Variants in CAPS2 observed in about 807,000 individuals in gnomAD.
The protein encoded by CAPS2 is calcyphosine 2, also known as calcyphosin-2.
Under a neutral mutation model 86.5 loss-of-function variants are expected in CAPS2, and 98 were observed. That is an observed-to-expected ratio of 1.13 (90% CI 0.96 to 1.34). The LOEUF is 1.34. Ranked by LOEUF, CAPS2 falls within the 40% of genes most tolerant of loss-of-function variation. CAPS2 has a pLI of 0.00. For missense variants in CAPS2, 729 were observed against 686.8 expected (o/e 1.06, Z -0.69); for synonymous variants, 210 against 225.1 (o/e 0.93, Z 0.60).
chr12:75,305,883 G>T, intron 7 of CAPS2: 4 of 794,420 alleles, frequency 5.0e-6, no homozygotes, highest in Non-Finnish European at 8.9e-6. Context: ...GGCTGACCAG[G>T]CTGCACCTGA....
At chr12:75,312,454 T>G (rs1437878599) in intron 7 of CAPS2, among the ~76,000 whole-genome samples, 2 of 152,148 alleles carry the variant, frequency 1.3e-5, no homozygotes, top group African/African-American at 4.8e-5. Context: ...GAATATAAAG[T>G]GAAAGTGGCA....
chr12:75,361,527 GAAGCAACAGCCC>G (rs2043591241), intron 1 of CAPS2, among the ~76,000 whole-genome samples: 1 of 152,146 alleles, frequency 6.6e-6, no homozygotes, highest in Admixed American at 6.5e-5. Context: ...TGCACCCTCT[GAAGCAACAGCCC>G]AAGCTGTACC....
chr12:75,311,161 G>T (rs964790887), intron 7 of CAPS2, among the ~76,000 whole-genome samples: 2 of 152,106 alleles, frequency 1.3e-5, no homozygotes, highest in Non-Finnish European at 2.9e-5. Flanking sequence ...TTAACTACGG[G>T]GTGCCGGGTT....
At chr12:75,289,167 A>G (rs145615398) in intron 14 of CAPS2, among the ~76,000 whole-genome samples, 2 of 151,820 alleles carry the variant, frequency 1.3e-5, no homozygotes, top group African/African-American at 4.8e-5. Context: ...TCTGATTCAC[A>G]CTCCTTTTTC....
rs117402153 is a variant in CAPS2 at position 75,310,834 on chromosome 12, A to G, written c.659+2014T>C. On this transcript the variant is annotated intron_variant, in intron 7 of 16. Transcript: ENST00000393284. ...ACCTTTTTCTTGAGACTACCAGGCT[A>G]GCCAAGCAGTGTTCTTCTCTCAAAG... is the stretch of plus-strand genomic sequence containing the variant. Among the ~76,000 whole-genome samples the G allele has an allele frequency of 5.3e-5, 8 of 152,258 alleles. No homozygotes were observed. The East Asian group carries it at 1.3e-3, about 26-fold the overall frequency.
At chr12:75,305,449 T>C (rs561536189) in intron 7 of CAPS2, 7 of 525,656 alleles carry the variant, frequency 1.3e-5, no homozygotes, top group East Asian at 3.9e-5. Context: ...CACAGACCGG[T>C]TGGAACAAAG....
At chr12:75,371,279 G>C (rs1189202423) in intron 1 of CAPS2, 1 of 156,044 alleles carries the variant, frequency 6.4e-6, no homozygotes, top group Non-Finnish European at 1.4e-5. Flanking sequence ...TGATGTTTGA[G>C]GGCAGGAAGC....
intron 1 of CAPS2, among the ~76,000 whole-genome samples, chr12:75,386,284 T>C (rs1043071118): frequency 2.0e-5 from 3 of 152,216 alleles, no homozygotes; most frequent in Non-Finnish European, 4.4e-5. Flanking sequence ...TCTCAGTCTG[T>C]TTTGTGCTGC....
chr12:75,334,972 C>A, upstream of CAPS2: 1 of 1,428,916 alleles, frequency 7.0e-7, no homozygotes, highest in Non-Finnish European at 9.6e-7. Flanking sequence ...ATAAATTTCA[C>A]GGACTTAACT....
At chr12:75,305,666 A>G in intron 7 of CAPS2, 1 of 646,386 alleles carries the variant, frequency 1.5e-6, no homozygotes, top group Non-Finnish European at 2.9e-6. Flanking sequence ...CCAGGCCCCT[A>G]GCACTGCCCA....
intron 1 of CAPS2, among the ~76,000 whole-genome samples, chr12:75,381,614 G>GTTT (rs34705874): frequency 5.3e-4 from 47 of 87,910 alleles, no homozygotes; most frequent in African/African-American, 9.4e-4. Context: ...TTTCTTAAGT[G>GTTT]TTTTTTTTTT....
intron 1 of CAPS2, among the ~76,000 whole-genome samples, chr12:75,381,529 CTTT>C (rs201207445): frequency 1.9e-4 from 22 of 118,360 alleles, no homozygotes; most frequent in African/African-American, 5.9e-4. Context: ...GTTATTTAGA[CTTT>C]TTTTTTTTTT....
At chr12:75,361,462 C>G (rs2043587111) in intron 1 of CAPS2, among the ~76,000 whole-genome samples, 1 of 152,208 alleles carries the variant, frequency 6.6e-6, no homozygotes. Context: ...GCCTAGGCAT[C>G]TGGCTGCCTC....
At chr12:75,293,709 A>T (rs553458433) in intron 11 of CAPS2, among the ~76,000 whole-genome samples, 2 of 152,314 alleles carry the variant, frequency 1.3e-5, no homozygotes, top group Admixed American at 1.3e-4. Context: ...AGAATGACAT[A>T]CCACAAACTG....
upstream of CAPS2, chr12:75,329,719 C>A: frequency 1.3e-6 from 1 of 798,804 alleles, no homozygotes; most frequent in Non-Finnish European, 1.9e-6. Context: ...GACTACAGAC[C>A]CAGATATCTG....
upstream of CAPS2, among the ~76,000 whole-genome samples, chr12:75,327,542 ATTTAT>A (rs1368383113): frequency 6.6e-5 from 10 of 152,114 alleles, no homozygotes; most frequent in East Asian, 1.7e-3. Flanking sequence ...ATAGTCTTAG[ATTTAT>A]TTTAATAGTA....
intron 15 of CAPS2, 62 bp from the exon 16 acceptor site, chr12:75,282,409 CAG>C: frequency 6.6e-6 from 7 of 1,062,304 alleles, no homozygotes; most frequent in South Asian, 1.3e-5. Flanking sequence ...TGCTTTGAGA[CAG>C]AGTCTCGCTC....
At chr12:75,277,558 G>T (rs184599486) in exon 17 of CAPS2, 49 of 941,360 alleles carry the variant, frequency 5.2e-5, no homozygotes, top group Non-Finnish European at 5.8e-5. Context: ...AGTGAAAATA[G>T]CACTAGAGGT....
At position 75,369,145 on chromosome 12, in the gene CAPS2, T is replaced by C. The variant is rs932558201; in HGVS notation, c.-395+21693A>G. ...TCAGATGGTTTAACTCAAGAGGTGA[T>C]TAAGCGTATTAAATATGATTAAATA... On this transcript the variant is annotated intron_variant, in intron 1 of 5. Coordinates refer to the CAPS2 transcript ENST00000551829. 1.2e-4 allele frequency among the ~76,000 whole-genome samples: 18 copies of C among 151,970 alleles called. 1 individual carries two copies. The highest frequency in any genetic ancestry group is 9.2e-4 in the Admixed American group (14 of 15,268).
Sources: allele counts gnomAD v4.1 joint callset (sites outside exome capture counted in the v4.1 genomes callset), GRCh38; gene constraint gnomAD v4.1.1; transcripts MANE v1.5; gene names NCBI Gene and HGNC (gene_info 2026-07-23, HGNC 2026-07-21).